ZNF644: variants seen among roughly 807,000 people sequenced by gnomAD.
The protein encoded by ZNF644 is zinc finger motif enhancer binding protein 2.
In ZNF644, 20 loss-of-function variants were observed where a neutral mutation model predicts 108.0. That is an observed-to-expected ratio of 0.19 (90% CI 0.13 to 0.27). The LOEUF is 0.27. Ranked by LOEUF, ZNF644 falls within the 10% of genes least tolerant of loss-of-function variation. The pLI is 1.00. For missense variants in ZNF644, 1,338 were observed against 1,548.9 expected, an observed-to-expected ratio of 0.86 and a Z score of 2.29; for synonymous variants, 542 against 539.1, an observed-to-expected ratio of 1.01 and a Z score of -0.08.
chr1:90,938,181 T>C lies in ZNF644; in HGVS notation c.3082+91A>G. The C allele has an allele frequency of 1.9e-6, 3 of 1,607,378 alleles. No individual in the cohort carries two copies. The highest frequency in any genetic ancestry group is 2.6e-6 in the Non-Finnish European group (3 of 1,175,244). ...TAATTCTGAAACATAAAATTATGAT[T>C]CTAATAAAGACTAAATTCAAAAAAA... is the stretch of plus-strand genomic sequence containing the variant. On this transcript the variant is annotated intron_variant, in intron 3 of 5. Coordinates refer to ENST00000337393, the MANE Select transcript of ZNF644 (RefSeq NM_201269.3). The surrounding 1 kb of genome is among the most constrained non-coding windows in gnomAD (Gnocchi z 4.2).
intron 2 of ZNF644, among the ~76,000 whole-genome samples, chr1:90,979,514 A>G (rs1196001674): frequency 6.6e-6 from 1 of 152,188 alleles, no homozygotes; most frequent in Non-Finnish European, 1.5e-5. Flanking sequence ...TATATGCTAC[A>G]TTACATATCT....
intron 2 of ZNF644, among the ~76,000 whole-genome samples, chr1:90,948,604 C>T (rs1192962153): frequency 6.6e-6 from 1 of 152,200 alleles, no homozygotes; most frequent in Non-Finnish European, 1.5e-5. Flanking sequence ...GTTTCACATG[C>T]CATGAAGACT....
intron 1 of ZNF644, among the ~76,000 whole-genome samples, chr1:90,984,563 T>G (rs941763736): frequency 6.6e-6 from 1 of 152,136 alleles, no homozygotes; most frequent in African/African-American, 2.4e-5. Flanking sequence ...AATTTTTTAT[T>G]TTTATTTTTA....
intron 1 of ZNF644, among the ~76,000 whole-genome samples, chr1:91,004,880 C>G (rs1249339688): frequency 6.6e-6 from 1 of 151,998 alleles, no homozygotes; most frequent in South Asian, 2.1e-4. Context: ...TTGAAAATAT[C>G]TATTTAACAC....
Position 90,918,095 on chromosome 1 carries a change from T to C in ZNF644, c.3748A>G (p.Thr1250Ala), listed in dbSNP as rs774220872. 5.0e-6 allele frequency: 8 copies of C among 1,614,124 alleles called. No homozygotes were observed. Among genetic ancestry groups the C allele is most frequent in the Non-Finnish European group, 6.8e-6 (8 of 1,179,992 alleles). Reference sequence around the variant, plus strand: ...ACCTCGTCAGCACCATGAGGTAATGTTAGCATTTTCTTCTTGCTTCCAGAT... The same window carrying C: ...ACCTCGTCAGCACCATGAGGTAATGCTAGCATTTTCTTCTTGCTTCCAGAT... ...SRSGSKKKML[T>A]LPHGADEVYI... The change falls in exon 5 of 6, where the codon ACA (threonine) becomes GCA (alanine). Residue 1250 changes from threonine (T) to alanine (A), a missense_variant. Around this residue, in one of 6 missense-constraint regions of ZNF644, gnomAD observed 287 missense variants for 310.9 expected, o/e 0.92. Transcript: ENST00000337393.
intron 1 of ZNF644, among the ~76,000 whole-genome samples, chr1:90,983,225 T>C (rs1304155665): frequency 6.6e-6 from 1 of 152,118 alleles, no homozygotes; most frequent in Non-Finnish European, 1.5e-5. Flanking sequence ...CTCTGATTTG[T>C]CCTTCCTAGA....
At chr1:90,941,371 G>A (rs1159527071) in intron 2 of ZNF644, 62 bp from the exon 3 acceptor site, 49 of 1,429,074 alleles carry the variant, frequency 3.4e-5, no homozygotes, top group Non-Finnish European at 4.3e-5. Flanking sequence ...TAGAATGTAT[G>A]GAGAGTTGAA....
At chr1:90,997,429 A>C (rs1168588050) in intron 1 of ZNF644, among the ~76,000 whole-genome samples, 2 of 152,196 alleles carry the variant, frequency 1.3e-5, no homozygotes, top group Non-Finnish European at 2.9e-5. Flanking sequence ...TAGATTTCAT[A>C]GAATTAGTTT....
intron 4 of ZNF644, among the ~76,000 whole-genome samples, chr1:90,932,311 G>A (rs1014025559): frequency 6.6e-6 from 1 of 152,134 alleles, no homozygotes; most frequent in African/African-American, 2.4e-5. Context: ...TCTAAGCTTT[G>A]TATTCAAGAG....
intron 2 of ZNF644, among the ~76,000 whole-genome samples, chr1:90,959,448 A>G (rs1654100957): frequency 6.6e-6 from 1 of 152,204 alleles, no homozygotes; most frequent in Admixed American, 6.5e-5. Context: ...ACTTGTACAC[A>G]TATGTTTATA....
At chr1:90,973,733 T>C (rs574722850) in intron 2 of ZNF644, among the ~76,000 whole-genome samples, 19 of 152,182 alleles carry the variant, frequency 1.2e-4, no homozygotes, top group Non-Finnish European at 2.5e-4. Flanking sequence ...CCGTCATCTA[T>C]AGAGGGCACT....
chr1:91,007,223 TTG>T (rs1442384471), intron 1 of ZNF644, among the ~76,000 whole-genome samples: 1,932 of 106,870 alleles, frequency 0.018, 148 homozygotes, highest in Non-Finnish European at 0.027. Context: ...TTCTCCCATT[TTG>T]TTTTTTTTTT....
chr1:90,956,365 A>C (rs1186998232), intron 2 of ZNF644, among the ~76,000 whole-genome samples: 2 of 152,252 alleles, frequency 1.3e-5, no homozygotes, highest in African/African-American at 4.8e-5. Flanking sequence ...AGTTTGTATA[A>C]GACACAATAT....
intron 2 of ZNF644, among the ~76,000 whole-genome samples, chr1:90,961,403 T>G (rs1483694677): frequency 2.6e-5 from 4 of 152,136 alleles, no homozygotes; most frequent in Non-Finnish European, 5.9e-5. Flanking sequence ...GTGTGAGTTG[T>G]GGGGCCCAGG....
intron 2 of ZNF644, among the ~76,000 whole-genome samples, chr1:90,975,735 C>T (rs191659154): frequency 1.3e-5 from 2 of 152,264 alleles, no homozygotes; most frequent in South Asian, 2.1e-4. Flanking sequence ...TGAGCCACCA[C>T]GCCTGGCCTC....
At chr1:91,009,349 G>A (rs1288990768) in intron 1 of ZNF644, among the ~76,000 whole-genome samples, 3 of 151,858 alleles carry the variant, frequency 2.0e-5, no homozygotes, top group Non-Finnish European at 2.9e-5. Flanking sequence ...TTAAAAAACT[G>A]TATTACTTCT....
At chr1:90,927,313 C>G (rs1650156003) in intron 4 of ZNF644, among the ~76,000 whole-genome samples, 1 of 152,128 alleles carries the variant, frequency 6.6e-6, no homozygotes, top group Non-Finnish European at 1.5e-5. Flanking sequence ...ATACTTAGCA[C>G]AGTTGGAGGT....
chr1:90,948,699 C>T (rs756398226), intron 2 of ZNF644, among the ~76,000 whole-genome samples: 6 of 152,192 alleles, frequency 3.9e-5, no homozygotes, highest in Non-Finnish European at 8.8e-5. Flanking sequence ...AAAAAATCCA[C>T]GTTTAAGTGG....
chr1:90,978,352 TAA>T (rs59090395), intron 2 of ZNF644, among the ~76,000 whole-genome samples: 22 of 133,716 alleles, frequency 1.6e-4, no homozygotes, highest in Admixed American at 2.3e-4. Context: ...AACTTTGTCT[TAA>T]AAAAAAAAAA....
Sources: allele counts gnomAD v4.1 joint callset (sites outside exome capture counted in the v4.1 genomes callset), GRCh38; gene constraint gnomAD v4.1.1; regional missense constraint gnomAD v4.1.1; non-coding constraint Gnocchi (gnomAD v3.1); transcripts MANE v1.5; gene names NCBI Gene and HGNC (gene_info 2026-07-23, HGNC 2026-07-21).